GPATCH2: variants seen among roughly 807,000 people sequenced by gnomAD.
The protein encoded by GPATCH2 is G patch domain-containing protein 2.
Under a neutral mutation model 58.0 loss-of-function variants are expected in GPATCH2, and 51 were observed. The ratio of observed to expected loss-of-function variants is 0.88; its 90% CI spans 0.70 to 1.11. The LOEUF (loss-of-function observed/expected upper bound fraction) is 1.11, where lower values mean the gene tolerates loss of function less well. Ranked by LOEUF, GPATCH2 falls within the 50% of genes most tolerant of loss-of-function variation. The pLI is 0.00. For synonymous variants in GPATCH2, 222 were observed against 218.5 expected, an observed-to-expected ratio of 1.02 and a Z score of -0.14; for missense variants, 625 against 652.2, an observed-to-expected ratio of 0.96 and a Z score of 0.45.
intron 5 of GPATCH2, among the ~76,000 whole-genome samples, chr1:217,564,183 G>C (rs1332688079): frequency 6.6e-6 from 1 of 151,346 alleles, no homozygotes; most frequent in Non-Finnish European, 1.5e-5. Context: ...CTCGAAGTCC[G>C]ATAAAAATCA....
At chr1:217,452,329 G>A (rs1659704670) in intron 8 of GPATCH2, among the ~76,000 whole-genome samples, 1 of 152,042 alleles carries the variant, frequency 6.6e-6, no homozygotes, top group Non-Finnish European at 1.5e-5. Flanking sequence ...AATTAAGGCT[G>A]GTTTTATTGA....
chr1:217,433,423 G>A (rs1208610777), intron 9 of GPATCH2, among the ~76,000 whole-genome samples: 1 of 147,388 alleles, frequency 6.8e-6, no homozygotes, highest in Non-Finnish European at 1.5e-5. Flanking sequence ...TTTTGGCAGA[G>A]TCTCACTCTG....
intron 8 of GPATCH2, among the ~76,000 whole-genome samples, chr1:217,462,208 C>T (rs1049141025): frequency 6.6e-6 from 1 of 152,122 alleles, no homozygotes; most frequent in African/African-American, 2.4e-5. Flanking sequence ...AAACACTACC[C>T]TACAAAAATT....
At chr1:217,539,882 T>C (rs1179057303) in intron 5 of GPATCH2, among the ~76,000 whole-genome samples, 1 of 127,910 alleles carries the variant, frequency 7.8e-6, no homozygotes, top group East Asian at 2.8e-4. Context: ...AATTTATTTA[T>C]ATATGTATTT....
chr1:217,572,443 C>T (rs1055513691), intron 5 of GPATCH2, among the ~76,000 whole-genome samples: 5 of 152,158 alleles, frequency 3.3e-5, no homozygotes, highest in African/African-American at 1.2e-4. Flanking sequence ...TCAAGAATAA[C>T]TTCAATCTGT....
chr1:217,574,334 T>G (rs578140874), intron 5 of GPATCH2, among the ~76,000 whole-genome samples: 1 of 152,272 alleles, frequency 6.6e-6, no homozygotes, highest in Non-Finnish European at 1.5e-5. Flanking sequence ...GAAATTTAGA[T>G]TGAAACCAAT....
intron 7 of GPATCH2, among the ~76,000 whole-genome samples, chr1:217,495,546 GA>G (rs1661964354): frequency 6.6e-6 from 1 of 152,186 alleles, no homozygotes; most frequent in Non-Finnish European, 1.5e-5. Flanking sequence ...TCTCAAGGAA[GA>G]AAAGCTTCAG....
intron 5 of GPATCH2, among the ~76,000 whole-genome samples, chr1:217,546,529 A>G (rs995177472): frequency 1.3e-5 from 2 of 152,230 alleles, no homozygotes; most frequent in Non-Finnish European, 2.9e-5. Flanking sequence ...CCTTCAATAA[A>G]TGGTGCTGGG....
intron 5 of GPATCH2, among the ~76,000 whole-genome samples, chr1:217,557,185 T>A (rs1558482012): frequency 6.6e-6 from 1 of 152,112 alleles, no homozygotes; most frequent in Non-Finnish European, 1.5e-5. Context: ...GGCGGGTGGA[T>A]CACCTGAGGT....
intron 6 of GPATCH2, among the ~76,000 whole-genome samples, chr1:217,512,211 A>G (rs774031466): frequency 5.9e-5 from 9 of 152,058 alleles, no homozygotes; most frequent in Non-Finnish European, 1.0e-4. Context: ...AGTCCCAGCT[A>G]CCTGTGGAGC....
At position 217,499,842 on chromosome 1, in the gene GPATCH2, C is replaced by G. The variant is rs574972048; in HGVS notation, c.1167-1447G>C. Among the ~76,000 whole-genome samples the G allele has an allele frequency of 1.1e-4, 16 of 151,862 alleles. No individual in the cohort carries two copies. In the East Asian group the frequency reaches 3.1e-3, roughly 30 times the overall value. ...ACAGCAATTTCTTGTTCCATCTATC[C>G]TGACTCCTAAGCTCTGTTGAGAGAC... is the stretch of plus-strand genomic sequence containing the variant. On this transcript the variant is annotated intron_variant, in intron 6 of 9. Transcript: ENST00000366935.
At chr1:217,567,069 G>A (rs541868581) in intron 5 of GPATCH2, among the ~76,000 whole-genome samples, 156 of 135,498 alleles carry the variant, frequency 1.2e-3, no homozygotes, top group Non-Finnish European at 2.0e-3. Context: ...TTTTTGAGAC[G>A]GAGTTTTGCT....
chr1:217,599,061 T>C (rs1019270680), intron 5 of GPATCH2, among the ~76,000 whole-genome samples: 4 of 152,122 alleles, frequency 2.6e-5, no homozygotes. Context: ...AAGTGAGGGA[T>C]ACACTGTTGT....
chr1:217,458,425 G>T (rs1660055216), intron 8 of GPATCH2, among the ~76,000 whole-genome samples: 1 of 152,042 alleles, frequency 6.6e-6, no homozygotes, highest in East Asian at 1.9e-4. Flanking sequence ...AAATGGTAGC[G>T]GCTGTTTTAT....
chr1:217,541,304 A>G (rs1664728494), intron 5 of GPATCH2, among the ~76,000 whole-genome samples: 1 of 152,214 alleles, frequency 6.6e-6, no homozygotes, highest in African/African-American at 2.4e-5. Flanking sequence ...ATCTGATATC[A>G]TTGAATGCAA....
At chr1:217,484,584 C>T (rs1438116027) in intron 8 of GPATCH2, among the ~76,000 whole-genome samples, 1 of 141,734 alleles carries the variant, frequency 7.1e-6, no homozygotes, top group Non-Finnish European at 1.5e-5. Context: ...ATATGATGCA[C>T]ATATACACGT....
intron 5 of GPATCH2, among the ~76,000 whole-genome samples, chr1:217,552,493 G>GA (rs1665413661): frequency 6.6e-6 from 1 of 152,134 alleles, no homozygotes; most frequent in African/African-American, 2.4e-5. Flanking sequence ...GGCAAAGGGA[G>GA]AAGAGTCTAT....
intron 8 of GPATCH2, among the ~76,000 whole-genome samples, chr1:217,464,317 G>C (rs113517657): frequency 6.6e-6 from 1 of 151,914 alleles, no homozygotes; most frequent in Non-Finnish European, 1.5e-5. Context: ...ATAAACTATT[G>C]GCAGCTATGA....
chr1:217,553,548 T>C (rs981271173), intron 5 of GPATCH2, among the ~76,000 whole-genome samples: 2 of 152,106 alleles, frequency 1.3e-5, no homozygotes, highest in South Asian at 2.1e-4. Flanking sequence ...ATATTAACAA[T>C]AGCAAAGTAT....
Sources: allele counts gnomAD v4.1 joint callset (sites outside exome capture counted in the v4.1 genomes callset), GRCh38; gene constraint gnomAD v4.1.1; transcripts MANE v1.5; gene names NCBI Gene and HGNC (gene_info 2026-07-23, HGNC 2026-07-21).